Variants in TNRC18 observed in about 807,000 individuals in gnomAD.
The protein encoded by TNRC18 is trinucleotide repeat containing 18.
A neutral mutation model predicts 226.7 loss-of-function variants in TNRC18; 69 were observed. The ratio of observed to expected loss-of-function variants is 0.30; its 90% CI spans 0.25 to 0.37. The LOEUF (loss-of-function observed/expected upper bound fraction) is 0.37, where lower values mean the gene tolerates loss of function less well. TNRC18 is among the 10% of genes least tolerant of loss of function. The pLI, the probability that TNRC18 is intolerant of heterozygous loss-of-function variation, is 1.00. For synonymous variants in TNRC18, 2,449 were observed against 1,927.6 expected (o/e 1.27, Z -7.09); for missense variants, 4,754 against 4,256.6 (o/e 1.12, Z -3.25).
In TNRC18 at chr7:5,389,615, CG is replaced by C. The variant is rs1780140388; in HGVS notation, c.488-280del. ...GATTACAGGCGCACCCCACCACGCA[CG>C]GCTAATTATTGTATTTTTAATACAG... On this transcript the variant is annotated intron_variant, in intron 4 of 29. Coordinates refer to ENST00000430969, the MANE Select transcript of TNRC18 (RefSeq NM_001080495.3). 4 of 242,552 alleles carry C rather than the reference CG, an allele frequency of 1.6e-5. No individual in the cohort carries two copies. The East Asian group carries it at 3.4e-4, about 21-fold the overall frequency. 15.0% of individuals were successfully genotyped at this position (242,552 alleles called of 1,614,324 possible). A position where few individuals can be genotyped will look rare whatever the true frequency, so the allele number is the denominator to read the frequency against.
intron 1 of TNRC18, among the ~76,000 whole-genome samples, chr7:5,422,592 C>A (rs1782647575): frequency 6.6e-6 from 1 of 152,172 alleles, no homozygotes; most frequent in Non-Finnish European, 1.5e-5. Flanking sequence ...CCGATCACGC[C>A]AAAGCCACCG....
intron 14 of TNRC18, among the ~76,000 whole-genome samples, chr7:5,360,729 G>A (rs968631985): frequency 2.8e-4 from 42 of 152,224 alleles, no homozygotes; most frequent in African/African-American, 8.2e-4. Context: ...CCCCTGCTGC[G>A]GCTGGTGAGG....
chr7:5,393,743 G>A (rs1309162538), intron 3 of TNRC18, among the ~76,000 whole-genome samples: 1 of 152,202 alleles, frequency 6.6e-6, no homozygotes, highest in African/African-American at 2.4e-5. Flanking sequence ...GAAAATCAAA[G>A]TGAGGCTCTA....
Position 5,394,617 on chromosome 7 carries a change from A to G in TNRC18, c.188-22T>C. The G allele has an allele frequency of 6.5e-7, 1 of 1,531,942 alleles. No individual in the cohort carries two copies. The highest frequency in any genetic ancestry group is 8.8e-7 in the Non-Finnish European group (1 of 1,139,960). 94.9% of individuals were successfully genotyped at this position (1,531,942 alleles called of 1,614,324 possible). ...TCGCCTGCAGAGAGAAGTTGGGAGGACCGTCAGGCAGACAACCAGGGAGGC... is the reference window on the plus strand; with the variant it reads ...TCGCCTGCAGAGAGAAGTTGGGAGGGCCGTCAGGCAGACAACCAGGGAGGC... On this transcript the variant is annotated intron_variant, in intron 2 of 29. Coordinates refer to ENST00000430969, the MANE Select transcript of TNRC18 (RefSeq NM_001080495.3). The surrounding 1 kb of genome is among the most constrained non-coding windows in gnomAD (Gnocchi z 4.5).
intron 1 of TNRC18, chr7:5,422,914 GCTTT>G (rs1396187198): frequency 2.0e-5 from 3 of 152,210 alleles, no homozygotes; most frequent in African/African-American, 7.2e-5. Flanking sequence ...TCTTTGGGTA[GCTTT>G]CTTTAAAAGC....
chr7:5,389,306 G>T lies in TNRC18; in HGVS notation c.518C>A (p.Pro173Gln). Residue 173 changes from proline to glutamine, a missense_variant, in exon 5 of 30, where the codon CCG becomes CAG. Transcript: ENST00000430969. ...DGFYLPTAGA[P>Q]GSLHSHAPSA... ...GGGCGCGTGAGAGTGCAGGGAGCCC[G>T]GAGCCCCCGCGGTGGGCAGGTAGAA... 7.8e-7 allele frequency: 1 copy of T among 1,281,474 alleles called. No homozygotes were observed. Among genetic ancestry groups the T allele is most frequent in the Non-Finnish European group, 9.9e-7 (1 of 1,014,296 alleles). The allele number at this position is 1,281,474 out of a possible 1,614,324, so 79.4% of individuals were successfully genotyped here.
chr7:5,408,159 C>T (rs1414481653), intron 2 of TNRC18, among the ~76,000 whole-genome samples: 2 of 151,926 alleles, frequency 1.3e-5, no homozygotes, highest in African/African-American at 2.4e-5. Context: ...ATTAGCTGGG[C>T]GTGGTGGCGC....
chr7:5,313,952 G>A (rs1467321191), intron 26 of TNRC18, 89 bp from the exon 27 acceptor site: 12 of 1,315,622 alleles, frequency 9.1e-6, no homozygotes, highest in African/African-American at 3.1e-5. Context: ...GCTTCTGTGA[G>A]TTTTGTTTTT....
At chr7:5,395,337 C>A (rs2128204061) in intron 2 of TNRC18, among the ~76,000 whole-genome samples, 1 of 152,330 alleles carries the variant, frequency 6.6e-6, no homozygotes, top group Admixed American at 6.5e-5. Context: ...ACAGCAGGCC[C>A]CACCCCGGGG....
intron 2 of TNRC18, chr7:5,420,755 G>A (rs992871694): frequency 4.8e-6 from 3 of 622,168 alleles, no homozygotes; most frequent in Admixed American, 2.1e-5. Context: ...GAAAACTCCA[G>A]CCCAGGCTCG....
At chr7:5,411,281 A>T (rs1396566605) in intron 2 of TNRC18, among the ~76,000 whole-genome samples, 3 of 151,872 alleles carry the variant, frequency 2.0e-5, no homozygotes, top group Non-Finnish European at 2.9e-5. Context: ...ATACACAAAG[A>T]TCAGCAATCA....
At chr7:5,329,247 G>C (rs540658796) in intron 19 of TNRC18, among the ~76,000 whole-genome samples, 1 of 151,300 alleles carries the variant, frequency 6.6e-6, no homozygotes, top group African/African-American at 2.4e-5. Context: ...AGGTTTCAGC[G>C]AGCCAAGATC....
chr7:5,376,871 G>C lies in TNRC18; in HGVS notation c.2584C>G (p.Pro862Ala). The C allele has an allele frequency of 1.9e-6, 3 of 1,611,776 alleles. No homozygotes were observed. The highest frequency in any genetic ancestry group is 2.5e-6 in the Non-Finnish European group (3 of 1,178,984). The change falls in exon 8 of 30, where the codon CCC becomes GCC. Residue 862 changes from proline to alanine, a missense_variant. Transcript: ENST00000430969. Reference sequence around the variant, plus strand: ...CCAAAGTGAGGAAGGTGATCACTGGGAATGACCACCAGCTGGCCCGATTGG... The same window carrying C: ...CCAAAGTGAGGAAGGTGATCACTGGCAATGACCACCAGCTGGCCCGATTGG... ...DPQSGQLVVI[P>A]SDHLPHFAEL...
At chr7:5,363,266 G>A (rs960477039) in intron 11 of TNRC18, among the ~76,000 whole-genome samples, 7 of 151,090 alleles carry the variant, frequency 4.6e-5, no homozygotes, top group South Asian at 2.1e-4. Context: ...TTGCACCACC[G>A]CATGCCAGCC....
At chr7:5,345,517 G>GCCCACCCCCCC in intron 18 of TNRC18, 45 bp downstream of exon 18, 1 of 377,744 alleles carries the variant, frequency 2.6e-6, no homozygotes, top group South Asian at 4.4e-5. Flanking sequence ...AATGGCGTCC[G>GCCCACCCCCCC]CCCCTCCCAC....
chr7:5,422,234 G>C (rs765653802), intron 1 of TNRC18, among the ~76,000 whole-genome samples: 28 of 152,308 alleles, frequency 1.8e-4, no homozygotes, highest in Middle Eastern at 6.8e-3. Context: ...CCTGGCCTGA[G>C]CTCCTGCAGC....
At chr7:5,341,671 G>A (rs1439988369) in intron 18 of TNRC18, among the ~76,000 whole-genome samples, 1 of 142,930 alleles carries the variant, frequency 7.0e-6, no homozygotes, top group Admixed American at 7.7e-5. Context: ...GGCTGAGGCA[G>A]AAAAATCGCT....
rs538262900 is a variant in TNRC18 at position 5,387,836 on chromosome 7, G to A, written c.1988C>T (p.Ala663Val). Residue 663 changes from alanine to valine, a missense_variant, in exon 5 of 30, where the codon GCT (alanine) becomes GTT (valine). Physicochemically the swap from Ala to Val is moderately conservative, Grantham distance 64. Coordinates refer to ENST00000430969, the MANE Select transcript of TNRC18 (RefSeq NM_001080495.3). ...GGCACCAGAGCCCTCGCGCCCGAAA[G>A]CTTTGGCGCTCTCGGGCCTCTCGGG... Reference protein sequence around the residue: ...RDPERPESAKAFGREGSGAQG... With the variant: ...RDPERPESAKVFGREGSGAQG... 7.3e-5 allele frequency: 118 copies of A among 1,606,026 alleles called. 1 individual carries two copies. The South Asian group carries it at 1.2e-3, about 16-fold the overall frequency.
At chr7:5,333,484 C>T (rs544220437) in intron 18 of TNRC18, among the ~76,000 whole-genome samples, 5 of 152,318 alleles carry the variant, frequency 3.3e-5, no homozygotes, top group Admixed American at 2.6e-4. Flanking sequence ...TGCTGCCTGT[C>T]GGAACTGGGT....
Sources: allele counts gnomAD v4.1 joint callset (sites outside exome capture counted in the v4.1 genomes callset), GRCh38; gene constraint gnomAD v4.1.1; non-coding constraint Gnocchi (gnomAD v3.1); transcripts MANE v1.5; gene names NCBI Gene and HGNC (gene_info 2026-07-23, HGNC 2026-07-21).